INPP5F: variants seen among roughly 807,000 people sequenced by gnomAD.
INPP5F encodes inositol polyphosphate-5-phosphatase F, also known as phosphatidylinositide 4-phosphatase SAC2.
INPP5F carries 97 observed loss-of-function variants against 137.2 expected under a neutral mutation model. The observed-to-expected ratio is 0.71, with a 90% CI of 0.60 to 0.84. The LOEUF (loss-of-function observed/expected upper bound fraction) is 0.84. Ranked by LOEUF, INPP5F falls within the 40% of genes least tolerant of loss-of-function variation. The pLI is 0.00. For synonymous variants in INPP5F, 504 were observed against 476.9 expected (o/e 1.06, Z -0.74); for missense variants, 1,271 against 1,371.9 (o/e 0.93, Z 1.16).
rs1382628271 is a variant in INPP5F, at chr10:119,814,525, TC to T, written c.1886+2572del. The T allele has an allele frequency of 2.0e-5, 3 of 152,230 alleles. No individual in the cohort carries two copies. In the East Asian group the frequency reaches 5.8e-4, roughly 29 times the overall value. 9.4% of individuals were successfully genotyped at this position (152,230 alleles called of 1,614,324 possible). ...GTGTTAGACAGCAAGGGCCAGTGCATCCTTCCTGTTTCTCATTGCTGCCTTT... is the reference window on the plus strand; with the variant it reads ...GTGTTAGACAGCAAGGGCCAGTGCATCTTCCTGTTTCTCATTGCTGCCTTT... On this transcript the variant is annotated intron_variant, in intron 15 of 19. Transcript: ENST00000650623.
chr10:119,806,751 C>T (rs371253261), intron 12 of INPP5F, among the ~76,000 whole-genome samples: 30 of 152,114 alleles, frequency 2.0e-4, no homozygotes, highest in African/African-American at 7.0e-4. Flanking sequence ...TTTACCTTTT[C>T]CCTCTCACCT....
intron 1 of INPP5F, among the ~76,000 whole-genome samples, chr10:119,730,203 G>T (rs196216): frequency 6.6e-6 from 1 of 151,810 alleles, no homozygotes; most frequent in South Asian, 2.1e-4. Context: ...TCCACCTCCC[G>T]GGTTCAAGCG....
At chr10:119,798,712 T>A (rs979758645) in intron 9 of INPP5F, 102 bp downstream of exon 9, 2 of 691,912 alleles carry the variant, frequency 2.9e-6, no homozygotes, top group East Asian at 3.0e-5. Flanking sequence ...AATTAAAGCA[T>A]TTGTCATGAA....
intron 2 of INPP5F, among the ~76,000 whole-genome samples, chr10:119,763,796 T>A (rs948662892): frequency 2.0e-5 from 3 of 152,238 alleles, no homozygotes; most frequent in African/African-American, 7.2e-5. Context: ...CATTTTACTA[T>A]AATCAGGCAG....
At chr10:119,789,117 C>T (rs1850034952) in intron 3 of INPP5F, among the ~76,000 whole-genome samples, 1 of 151,390 alleles carries the variant, frequency 6.6e-6, no homozygotes, top group Non-Finnish European at 1.5e-5. Flanking sequence ...CCCAGCTACT[C>T]GGGAGGCTGA....
rs111545837 is a variant in INPP5F, at chr10:119,792,258, C to G, written c.669+45C>G. The G allele has an allele frequency of 3.7e-6, 5 of 1,354,836 alleles. No individual in the cohort carries two copies. In the African/African-American group the frequency reaches 4.3e-5, roughly 12 times the overall value. The allele number at this position is 1,354,836 out of a possible 1,614,324, so 83.9% of individuals were successfully genotyped here. On this transcript the variant is annotated intron_variant, in intron 6 of 19. Coordinates refer to ENST00000650623, the MANE Select transcript of INPP5F (RefSeq NM_014937.4). Reference sequence around the variant, plus strand: ...ATTTCCTAACCGTAATGAAATTGGTCTGTTTGTTTCTAAAACGTCTGGTTA... The same window carrying G: ...ATTTCCTAACCGTAATGAAATTGGTGTGTTTGTTTCTAAAACGTCTGGTTA...
At chr10:119,739,843 C>T (rs902718612) in intron 1 of INPP5F, among the ~76,000 whole-genome samples, 1 of 152,080 alleles carries the variant, frequency 6.6e-6, no homozygotes, top group African/African-American at 2.4e-5. Context: ...TGGTCTTGAA[C>T]TCCTGGGCTC....
chr10:119,726,319 G>C lies in INPP5F; in HGVS notation c.57G>C (p.Leu19=). 5 of 1,478,776 alleles carry C rather than the reference G, an allele frequency of 3.4e-6. No individual in the cohort carries two copies. The highest frequency in any genetic ancestry group is 1.5e-5 in the African/African-American group (1 of 68,546). The allele number at this position is 1,478,776 out of a possible 1,614,324, so 91.6% of individuals were successfully genotyped here. A position where few individuals can be genotyped will look rare whatever the true frequency, so the allele number is the denominator to read the frequency against. Residue 19 remains leucine (L), a synonymous_variant, in exon 1 of 20, where the codon CTG becomes CTC. Transcript: ENST00000650623. ...HYILQQGERA[L]WCSRRDGGLQ... ...TCCTGCAGCAGGGCGAGCGCGCGCTGTGGTGCAGCCGCCGCGACGGCGGCC... is the reference window on the plus strand; with the variant it reads ...TCCTGCAGCAGGGCGAGCGCGCGCTCTGGTGCAGCCGCCGCGACGGCGGCC...
At chr10:119,740,210 A>G (rs1848334287) in intron 1 of INPP5F, among the ~76,000 whole-genome samples, 1 of 151,596 alleles carries the variant, frequency 6.6e-6, no homozygotes, top group African/African-American at 2.4e-5. Flanking sequence ...GCATGTTTTT[A>G]CCTCCCTTGA....
chr10:119,819,539 CG>C, intron 15 of INPP5F: 2 of 1,598,688 alleles, frequency 1.3e-6, no homozygotes, highest in Non-Finnish European at 1.7e-6. Context: ...TCAGAGTGCA[CG>C]TAAGTATCAA....
chr10:119,732,548 G>A (rs1589658785), intron 1 of INPP5F, among the ~76,000 whole-genome samples: 1 of 129,152 alleles, frequency 7.7e-6, no homozygotes, highest in South Asian at 2.5e-4. Context: ...TGCCCAGGCT[G>A]GAGTACAATG....
At chr10:119,816,934 G>C (rs951718310) in intron 15 of INPP5F, among the ~76,000 whole-genome samples, 1 of 152,156 alleles carries the variant, frequency 6.6e-6, no homozygotes, top group Non-Finnish European at 1.5e-5. Context: ...CCATCACCAT[G>C]GTCAATTTTA....
chr10:119,751,623 GTC>G (rs1475808207), intron 2 of INPP5F, among the ~76,000 whole-genome samples: 2 of 152,130 alleles, frequency 1.3e-5, no homozygotes, highest in Non-Finnish European at 2.9e-5. Flanking sequence ...TTGATGGGAA[GTC>G]CAGGTCACTC....
chr10:119,737,507 A>G (rs1352714724), intron 1 of INPP5F, among the ~76,000 whole-genome samples: 1 of 152,246 alleles, frequency 6.6e-6, no homozygotes, highest in African/African-American at 2.4e-5. Context: ...GATTAGTATT[A>G]TAAAGCTCCT....
At chr10:119,743,501 T>C (rs1231562894) in intron 1 of INPP5F, among the ~76,000 whole-genome samples, 1 of 152,076 alleles carries the variant, frequency 6.6e-6, no homozygotes, top group Non-Finnish European at 1.5e-5. Context: ...TCAGCTCTGC[T>C]GGGTGTGGGT....
At chr10:119,779,370 A>C (rs1026422047) in intron 2 of INPP5F, among the ~76,000 whole-genome samples, 8 of 152,114 alleles carry the variant, frequency 5.3e-5, no homozygotes, top group Admixed American at 4.6e-4. Flanking sequence ...CATGTAGGCG[A>C]CACTGACTTT....
At chr10:119,806,811 C>CTT (rs35213192) in intron 12 of INPP5F, among the ~76,000 whole-genome samples, 2 of 143,298 alleles carry the variant, frequency 1.4e-5, no homozygotes, top group Non-Finnish European at 3.1e-5. Context: ...TACTGCATTT[C>CTT]TTTTTTTTTT....
intron 9 of INPP5F, among the ~76,000 whole-genome samples, chr10:119,802,503 C>T (rs187101074): frequency 6.6e-6 from 1 of 152,296 alleles, no homozygotes; most frequent in Admixed American, 6.5e-5. Flanking sequence ...CAAAACAAAA[C>T]TATGCCATAT....
intron 3 of INPP5F, among the ~76,000 whole-genome samples, chr10:119,783,914 T>C (rs1849788936): frequency 6.6e-6 from 1 of 152,226 alleles, no homozygotes; most frequent in Non-Finnish European, 1.5e-5. Context: ...TAAAAGTAAC[T>C]ACAGAGAAAG....
Sources: allele counts gnomAD v4.1 joint callset (sites outside exome capture counted in the v4.1 genomes callset), GRCh38; gene constraint gnomAD v4.1.1; transcripts MANE v1.5; gene names NCBI Gene and HGNC (gene_info 2026-07-23, HGNC 2026-07-21).